LDB2: variants seen among roughly 807,000 people sequenced by gnomAD.
LDB2 encodes the protein LIM domain-binding protein 2.
LDB2 carries 12 observed loss-of-function variants against 44.3 expected under a neutral mutation model. The observed-to-expected ratio is 0.27, with a 90% CI of 0.17 to 0.44. The LOEUF (loss-of-function observed/expected upper bound fraction) is 0.44, where lower values mean the gene tolerates loss of function less well. LDB2 is among the 20% of genes least tolerant of loss of function. LDB2 has a pLI of 1.00. For missense variants in LDB2, 344 were observed against 473.5 expected, an observed-to-expected ratio of 0.73 and a Z score of 2.54; for synonymous variants, 164 against 174.8, an observed-to-expected ratio of 0.94 and a Z score of 0.49.
At chr4:16,618,385 C>A (rs1366355873) in intron 2 of LDB2, among the ~76,000 whole-genome samples, 1 of 152,206 alleles carries the variant, frequency 6.6e-6, no homozygotes, top group East Asian at 1.9e-4. Flanking sequence ...GACACCCTAT[C>A]TGCCTTGTTC....
chr4:16,509,815 T>G (rs1720986447), intron 6 of LDB2, among the ~76,000 whole-genome samples: 1 of 152,114 alleles, frequency 6.6e-6, no homozygotes, highest in African/African-American at 2.4e-5. Context: ...TTGTAGCATT[T>G]TCTTAAAACA....
intron 2 of LDB2, among the ~76,000 whole-genome samples, chr4:16,727,648 T>C (rs1214004763): frequency 6.6e-6 from 1 of 152,220 alleles, no homozygotes; most frequent in Non-Finnish European, 1.5e-5. Flanking sequence ...TTCTGAAATA[T>C]TCGTTTTGCC....
intron 4 of LDB2, 98 bp from the exon 5 acceptor site, chr4:16,586,103 C>G: frequency 1.1e-6 from 1 of 889,114 alleles, no homozygotes. Context: ...GCAATCTCGA[C>G]ATTGTTGATT....
At chr4:16,664,959 AG>A (rs754418415) in intron 2 of LDB2, among the ~76,000 whole-genome samples, 13 of 152,196 alleles carry the variant, frequency 8.5e-5, no homozygotes, top group Admixed American at 6.5e-5. Context: ...TGCATTGGCT[AG>A]GCCTAACTAG....
chr4:16,664,174 C>G (rs1321550320), intron 2 of LDB2, among the ~76,000 whole-genome samples: 1 of 152,096 alleles, frequency 6.6e-6, no homozygotes. Context: ...AAGCTAGAGT[C>G]TTCAGGAATG....
chr4:16,646,372 C>T (rs1401873139), intron 2 of LDB2, among the ~76,000 whole-genome samples: 3 of 152,168 alleles, frequency 2.0e-5, no homozygotes, highest in African/African-American at 7.2e-5. Flanking sequence ...CAACTCTTTA[C>T]TCCACTCTTT....
chr4:16,708,006 A>T (rs984599443), intron 2 of LDB2, among the ~76,000 whole-genome samples: 2 of 152,202 alleles, frequency 1.3e-5, no homozygotes, highest in African/African-American at 4.8e-5. Flanking sequence ...AAACTGACAC[A>T]CAGTGACCTT....
intron 2 of LDB2, among the ~76,000 whole-genome samples, chr4:16,669,625 T>C (rs949526989): frequency 5.3e-5 from 8 of 152,258 alleles, no homozygotes; most frequent in Admixed American, 5.2e-4. Context: ...CTCTATTTTA[T>C]GGAAAACACA....
At chr4:16,507,109 CT>C (rs979862195) in intron 7 of LDB2, 20 of 152,072 alleles carry the variant, frequency 1.3e-4, no homozygotes, top group African/African-American at 4.6e-4. Context: ...CTTTTTCCCC[CT>C]GATCTTCAGA....
intron 1 of LDB2, among the ~76,000 whole-genome samples, chr4:16,883,576 C>T (rs187755997): frequency 6.6e-6 from 1 of 152,316 alleles, no homozygotes; most frequent in East Asian, 1.9e-4. Context: ...CCCATTCTAT[C>T]AGTGTGGAAA....
chr4:16,638,907 A>T (rs545570853), intron 2 of LDB2, among the ~76,000 whole-genome samples: 14 of 152,318 alleles, frequency 9.2e-5, no homozygotes, highest in African/African-American at 2.6e-4. Flanking sequence ...CCAATTTGGA[A>T]TCGGTAAGAT....
chr4:16,727,217 T>A (rs1288946016), intron 2 of LDB2, among the ~76,000 whole-genome samples: 1 of 152,200 alleles, frequency 6.6e-6, no homozygotes, highest in African/African-American at 2.4e-5. Context: ...CCCAGGACAT[T>A]AGAAGATGGA....
chr4:16,880,328 C>G (rs964221906), intron 1 of LDB2, among the ~76,000 whole-genome samples: 6 of 152,094 alleles, frequency 3.9e-5, no homozygotes, highest in Non-Finnish European at 7.4e-5. Context: ...AGGCAGCTGA[C>G]CAAGGGGAGA....
intron 5 of LDB2, among the ~76,000 whole-genome samples, chr4:16,557,676 C>A (rs1303662186): frequency 6.6e-6 from 1 of 152,228 alleles, no homozygotes; most frequent in African/African-American, 2.4e-5. Context: ...CCTCTGCAGA[C>A]TTAAATGTCC....
chr4:16,812,583 TA>T (rs1244071865), intron 1 of LDB2, among the ~76,000 whole-genome samples: 8 of 602 alleles, frequency 0.013, 1 homozygote, highest in South Asian at 0.5. Flanking sequence ...TCAATGAAAT[TA>T]TATATATATA....
At chr4:16,554,367 A>AAACTC (rs1406247224) in intron 5 of LDB2, among the ~76,000 whole-genome samples, 1 of 152,078 alleles carries the variant, frequency 6.6e-6, no homozygotes, top group African/African-American at 2.4e-5. Context: ...ATGGTTTTTG[A>AAACTC]AACTCATCTT....
intron 2 of LDB2, among the ~76,000 whole-genome samples, chr4:16,728,876 G>C (rs1012095644): frequency 2.0e-5 from 3 of 152,186 alleles, no homozygotes; most frequent in Admixed American, 2.0e-4. Context: ...AGCAGTAAAA[G>C]TTTCTAAAAT....
chr4:16,787,519 C>G (rs1774720038), intron 1 of LDB2, among the ~76,000 whole-genome samples: 1 of 152,072 alleles, frequency 6.6e-6, no homozygotes, highest in African/African-American at 2.4e-5. Context: ...GAGGCTGAGG[C>G]AAGAGAATCA....
chr4:16,608,763 G>A (rs553038225), intron 2 of LDB2, among the ~76,000 whole-genome samples: 1 of 152,102 alleles, frequency 6.6e-6, no homozygotes, highest in Non-Finnish European at 1.5e-5. Context: ...ATCTCTGAAC[G>A]GTCTGCACTC....
Sources: gnomAD v4.1 joint callset for allele counts (sites outside exome capture counted in the v4.1 genomes callset) on GRCh38, gnomAD v4.1.1 for gene constraint, MANE v1.5 for transcripts, NCBI Gene and HGNC (gene_info 2026-07-23, HGNC 2026-07-21) for gene names.